LIN7A: variants seen among roughly 807,000 people sequenced by gnomAD.
LIN7A encodes the protein lin-7 cell polarity scaffold A, also known as protein lin-7 homolog A.
A neutral mutation model predicts 29.8 loss-of-function variants in LIN7A; 25 were observed. The observed-to-expected ratio is 0.84, with a 90% CI of 0.61 to 1.17. The LOEUF (loss-of-function observed/expected upper bound fraction) is 1.17, where lower values mean the gene tolerates loss of function less well. Among genes scored for constraint, LIN7A ranks in the 50% most tolerant of loss-of-function variants. The pLI is 0.00. For synonymous variants in LIN7A, 118 were observed against 107.5 expected (o/e 1.10, Z -0.60); for missense variants, 239 against 287.0 (o/e 0.83, Z 1.21).
At chr12:80,809,344 G>C (rs1871182286) in intron 5 of LIN7A, among the ~76,000 whole-genome samples, 1 of 152,182 alleles carries the variant, frequency 6.6e-6, no homozygotes, top group Non-Finnish European at 1.5e-5. Flanking sequence ...TGTGCAAATA[G>C]TAATCTGATG....
rs137870025 is a variant in LIN7A, at chr12:80,845,070, C to G, written c.483+660G>C. On this transcript the variant is annotated intron_variant, in intron 4 of 5. Transcript: ENST00000552864. ...TGGCTAACATGGTGAAACCTCATCT[C>G]TACTAAAAATACAAAAATTAACCGG... 1.3e-3 allele frequency among the ~76,000 whole-genome samples: 202 copies of G among 152,022 alleles called. 4 individuals carry two copies. The East Asian group carries it at 0.033, about 25-fold the overall frequency.
At chr12:80,909,910 A>C (rs1219717484) in intron 1 of LIN7A, among the ~76,000 whole-genome samples, 3 of 151,160 alleles carry the variant, frequency 2.0e-5, no homozygotes, top group Admixed American at 6.6e-5. Flanking sequence ...AGATTGTCTT[A>C]CATCTCTGTA....
intron 2 of LIN7A, among the ~76,000 whole-genome samples, chr12:80,866,811 T>C (rs77991016): frequency 3.9e-5 from 6 of 152,184 alleles, no homozygotes; most frequent in Admixed American, 6.5e-5. Context: ...ACCAGGTTTT[T>C]ACACCTCTGG....
At chr12:80,842,735 A>G (rs1872882033) in intron 4 of LIN7A, among the ~76,000 whole-genome samples, 1 of 152,016 alleles carries the variant, frequency 6.6e-6, no homozygotes, top group Non-Finnish European at 1.5e-5. Context: ...TGGATTAACT[A>G]TTATTTGTGT....
chr12:80,887,304 CTT>C (rs577790421), intron 2 of LIN7A, among the ~76,000 whole-genome samples: 188 of 152,266 alleles, frequency 1.2e-3, no homozygotes, highest in African/African-American at 4.2e-3. Flanking sequence ...ACTAGTCTCT[CTT>C]TGTTTCTACT....
At position 80,845,834 on chromosome 12, in the gene LIN7A, C is replaced by T. The variant is rs1423458305; in HGVS notation, c.379G>A (p.Glu127Lys). The change falls in exon 4 of 6, where the codon GAG becomes AAG. Residue 127 changes from glutamate to lysine, a missense_variant. By Grantham distance (56) the Glu-to-Lys change is moderately conservative (BLOSUM62 1). Coordinates refer to ENST00000552864, the MANE Select transcript of LIN7A (RefSeq NM_004664.4). Reference sequence around the variant, plus strand: ...GAGATATAAATGGGGGAATTTTGCTCCTTTCCTCCCATCACATTAAAACCA... The same window carrying T: ...GAGATATAAATGGGGGAATTTTGCTTCTTTCCTCCCATCACATTAAAACCA... Reference protein sequence around the residue: ...GLGFNVMGGKEQNSPIYISRI... With the variant: ...GLGFNVMGGKKQNSPIYISRI... The T allele has an allele frequency of 1.2e-6, 2 of 1,613,704 alleles. No homozygotes were observed. Among genetic ancestry groups the T allele is most frequent in the Admixed American group, 1.7e-5 (1 of 59,958 alleles).
At chr12:80,807,630 G>C (rs1871107507) in intron 5 of LIN7A, among the ~76,000 whole-genome samples, 1 of 152,148 alleles carries the variant, frequency 6.6e-6, no homozygotes, top group African/African-American at 2.4e-5. Context: ...AGAGAAAAAT[G>C]AGTTAGCAAA....
intron 1 of LIN7A, among the ~76,000 whole-genome samples, chr12:80,931,653 A>G (rs1877915018): frequency 6.6e-6 from 1 of 152,032 alleles, no homozygotes; most frequent in Non-Finnish European, 1.5e-5. Flanking sequence ...AAAAAAAAAA[A>G]AAAATGGAAA....
intron 1 of LIN7A, among the ~76,000 whole-genome samples, chr12:80,921,138 C>T (rs1241452495): frequency 6.6e-6 from 1 of 152,108 alleles, no homozygotes; most frequent in Non-Finnish European, 1.5e-5. Context: ...GATTAGGCCT[C>T]AGAGAGCTGC....
intron 5 of LIN7A, among the ~76,000 whole-genome samples, chr12:80,801,885 C>G (rs1434428327): frequency 6.7e-6 from 1 of 150,362 alleles, no homozygotes; most frequent in Admixed American, 6.6e-5. Flanking sequence ...CTCTCTACTT[C>G]TATGAGTCTA....
intron 5 of LIN7A, among the ~76,000 whole-genome samples, chr12:80,810,210 C>A (rs1313999750): frequency 2.0e-5 from 3 of 152,154 alleles, no homozygotes; most frequent in Non-Finnish European, 4.4e-5. Context: ...CTCTGGAAAC[C>A]ACATTCTACT....
chr12:80,853,725 C>T (rs1873449088), intron 2 of LIN7A, among the ~76,000 whole-genome samples: 1 of 151,612 alleles, frequency 6.6e-6, no homozygotes. Context: ...GAGACGGAGT[C>T]TCACTCTGTC....
At chr12:80,907,680 A>T (rs1876556338) in intron 1 of LIN7A, among the ~76,000 whole-genome samples, 1 of 152,152 alleles carries the variant, frequency 6.6e-6, no homozygotes, top group African/African-American at 2.4e-5. Flanking sequence ...AAAAAAAGTG[A>T]TAGAGGGCAA....
chr12:80,866,326 G>A (rs1465601832), intron 2 of LIN7A, among the ~76,000 whole-genome samples: 2 of 152,142 alleles, frequency 1.3e-5, no homozygotes, highest in Non-Finnish European at 1.5e-5. Flanking sequence ...TGATCTCTAA[G>A]TAATTGACTT....
chr12:80,924,047 T>C (rs1273946045), intron 1 of LIN7A, among the ~76,000 whole-genome samples: 2 of 152,342 alleles, frequency 1.3e-5, no homozygotes, highest in East Asian at 1.9e-4. Flanking sequence ...TGAGCTGTTG[T>C]TATCCTACTC....
At chr12:80,914,585 G>T (rs1273512566) in intron 1 of LIN7A, among the ~76,000 whole-genome samples, 1 of 152,280 alleles carries the variant, frequency 6.6e-6, no homozygotes, top group East Asian at 1.9e-4. Flanking sequence ...CATGTTTCAC[G>T]TTATCTTTCA....
At position 80,874,799 on chromosome 12, in the gene LIN7A, C is replaced by T. The variant is rs570938837; in HGVS notation, c.201+14452G>A. On this transcript the variant is annotated intron_variant, in intron 2 of 5. Coordinates refer to ENST00000552864, the MANE Select transcript of LIN7A (RefSeq NM_004664.4). ...GAGATCGAGATCATCCTGGCTAACA[C>T]GGTGAAGCCCCGTCTCTACTAAAAA... 1.1e-4 allele frequency among the ~76,000 whole-genome samples: 16 copies of T among 152,190 alleles called. No homozygotes were observed. The South Asian group carries it at 1.7e-3, about 16-fold the overall frequency.
intron 4 of LIN7A, among the ~76,000 whole-genome samples, chr12:80,829,950 A>G (rs1045500515): frequency 6.6e-6 from 1 of 152,136 alleles, no homozygotes; most frequent in Admixed American, 6.5e-5. Flanking sequence ...TCCAAAATGC[A>G]CTCTCGTGCT....
intron 2 of LIN7A, among the ~76,000 whole-genome samples, chr12:80,873,429 A>G (rs1283257161): frequency 2.0e-5 from 3 of 151,818 alleles, no homozygotes; most frequent in Non-Finnish European, 2.9e-5. Flanking sequence ...ACTACTCAGG[A>G]GGCTGAGGTA....
Sources: gnomAD v4.1 joint callset for allele counts (sites outside exome capture counted in the v4.1 genomes callset) on GRCh38, gnomAD v4.1.1 for gene constraint, MANE v1.5 for transcripts, NCBI Gene and HGNC (gene_info 2026-07-23, HGNC 2026-07-21) for gene names.